The following SLC25A24 variants were observed in gnomAD, a reference collection of about 807,000 sequenced individuals.
SLC25A24 encodes the protein mitochondrial adenyl nucleotide antiporter SLC25A24.
A neutral mutation model predicts 60.7 loss-of-function variants in SLC25A24; 49 were observed. The ratio of observed to expected loss-of-function variants is 0.81; its 90% confidence interval spans 0.64 to 1.02. The LOEUF (loss-of-function observed/expected upper bound fraction) is 1.02. SLC25A24 is among the 50% of genes least tolerant of loss of function. The probability of loss-of-function intolerance (pLI) is 0.00; values close to 1 mark genes in which losing one functional copy is unlikely to be tolerated. For synonymous variants in SLC25A24, 202 were observed against 200.6 expected, an observed-to-expected ratio of 1.01 and a Z score of -0.06; for missense variants, 564 against 586.3, an observed-to-expected ratio of 0.96 and a Z score of 0.39.
chr1:108,169,880 C>G, intron 3 of SLC25A24, among the ~76,000 whole-genome samples: 1 of 152,092 alleles, frequency 6.6e-6, no homozygotes, highest in East Asian at 1.9e-4. Context: ...TTTTAAAAGT[C>G]CTTATGTGCC....
rs576554337 is a variant in SLC25A24 at position 108,167,403 on chromosome 1, T to C, written c.399-6110A>G. ...CCCTCCCCCAGCCTCGCTGCCGCCT[T>C]GCAGTTTGATCTCAGACTGCTGTGC... On this transcript the variant is annotated intron_variant, in intron 3 of 9. Coordinates refer to ENST00000565488, the MANE Select transcript of SLC25A24 (RefSeq NM_013386.5). Among the ~76,000 whole-genome samples, 95 of 152,258 alleles carry C rather than the reference T, an allele frequency of 6.2e-4. No homozygotes were observed. The Middle Eastern group carries it at 0.01, about 16-fold the overall frequency.
intron 3 of SLC25A24, among the ~76,000 whole-genome samples, chr1:108,162,325 G>A (rs1239945182): frequency 6.8e-6 from 1 of 147,704 alleles, no homozygotes; most frequent in Non-Finnish European, 1.5e-5. Flanking sequence ...GGGATGGCTG[G>A]GTCAAATGAT....
At chr1:108,138,848 T>C (rs1679362312) in intron 9 of SLC25A24, among the ~76,000 whole-genome samples, 1 of 152,212 alleles carries the variant, frequency 6.6e-6, no homozygotes, top group Admixed American at 6.5e-5. Flanking sequence ...ACAGTACATA[T>C]GCAATGCTTC....
chr1:108,180,658 C>CTCTG lies in SLC25A24; in HGVS notation c.398+1282_398+1283insCAGA, dbSNP rs1558024001. On this transcript the variant is annotated intron_variant, in intron 3 of 9. Coordinates refer to ENST00000565488, the MANE Select transcript of SLC25A24 (RefSeq NM_013386.5). ...TCTCTCTCTCTCTCTCTCTCTCTCT[C>CTCTG]TCTCTCTCTGCCATATGACAATACA... Among the ~76,000 whole-genome samples, 344 of 105,026 alleles carry CTCTG rather than the reference C, an allele frequency of 3.3e-3. 2 individuals carry two copies. The highest frequency in any genetic ancestry group is 0.011 in the African/African-American group (324 of 28,736). The allele number at this position is 105,026 out of a possible 152,430, so 68.9% of individuals were successfully genotyped here. A position where few individuals can be genotyped will look rare whatever the true frequency, so the allele number is the denominator to read the frequency against.
chr1:108,154,201 T>C (rs774605004), intron 6 of SLC25A24, among the ~76,000 whole-genome samples: 8 of 140,744 alleles, frequency 5.7e-5, no homozygotes, highest in African/African-American at 8.3e-5. Context: ...AAAATCTACA[T>C]GGAATAATAC....
At chr1:108,166,827 C>T (rs1680268792) in intron 3 of SLC25A24, among the ~76,000 whole-genome samples, 1 of 152,216 alleles carries the variant, frequency 6.6e-6, no homozygotes. Flanking sequence ...TGTTCCGTTG[C>T]TGGTGAGGAA....
In SLC25A24 at chr1:108,185,149, C is replaced by T. The variant is rs1049357820; in HGVS notation, c.310+679G>A. Among the ~76,000 whole-genome samples the T allele has an allele frequency of 6.6e-5, 10 of 152,108 alleles. 1 individual carries two copies. Among genetic ancestry groups the T allele is most frequent in the African/African-American group, 1.7e-4 (7 of 41,402 alleles). On this transcript the variant is annotated intron_variant, in intron 2 of 9. Transcript: ENST00000565488. ...CATAGTAAGAGGCCCTCACCAGATT[C>T]GGCTCAACTTTGAACTTCCCAGCCT...
chr1:108,155,088 T>C lies in SLC25A24; in HGVS notation c.717A>G (p.Arg239=), dbSNP rs1457926889. The change falls in exon 6 of 10, where the codon CGA becomes CGG. Residue 239 remains arginine, a synonymous_variant. Coordinates refer to ENST00000565488, the MANE Select transcript of SLC25A24 (RefSeq NM_013386.5). The part of the protein sequence containing the change: ...SDKMNIFGGF[R]QMVKEGGIRS... ...GGATACCTCCTTCTTTTACCATCTG[T>C]CGAAAGCCACCAAATATGTTCATTT... 3 of 1,612,614 alleles carry C rather than the reference T, an allele frequency of 1.9e-6. No homozygotes were observed. The highest frequency in any genetic ancestry group is 2.5e-6 in the Non-Finnish European group (3 of 1,179,346).
In SLC25A24 at chr1:108,148,300, C is replaced by A; in HGVS notation, c.909G>T (p.Gln303His). Residue 303 changes from glutamine (Q) to histidine (H), a missense_variant, in exon 7 of 10, where the codon CAG becomes CAT. Transcript: ENST00000565488. ...TCACCTCCATTGGATATATAAAAGTCTGTGCAGTTGCTCCAGCCATGGAAC... is the reference window on the plus strand; with the variant it reads ...TCACCTCCATTGGATATATAAAAGTATGTGCAGTTGCTCCAGCCATGGAAC... The part of the protein sequence containing the change: ...ISGSMAGATA[Q>H]TFIYPMEVMK... 6.2e-7 allele frequency: 1 copy of A among 1,609,418 alleles called. No individual in the cohort carries two copies. The highest frequency in any genetic ancestry group is 1.1e-5 in the South Asian group (1 of 91,008).
rs778125454 is a variant in SLC25A24 at position 108,136,833 on chromosome 1, C to A, written c.1254G>T (p.Met418Ile). 1.9e-6 allele frequency: 3 copies of A among 1,612,190 alleles called. No homozygotes were observed. In the East Asian group the frequency reaches 6.7e-5, roughly 36 times the overall value. ...LVRTRMQAQA[M>I]LEGSPQLNMV... ...TATTCAGCTGTGGGGAACCTTCTAA[C>A]ATGGCTAAAAAATAAAAAAAGAGGG... is the stretch of plus-strand genomic sequence containing the variant. Residue 418 changes from methionine to isoleucine, a missense_variant, in exon 10 of 10, where the codon ATG becomes ATT. Transcript: ENST00000565488.
In SLC25A24 at chr1:108,181,816, C is replaced by G. The variant is rs1029679317; in HGVS notation, c.398+125G>C. ...ACAAAATGAATGGGAGGAAAAAAGA[C>G]AAAAAGATCTTGGATATACATAATG... On this transcript the variant is annotated intron_variant, in intron 3 of 9. Coordinates refer to ENST00000565488, the MANE Select transcript of SLC25A24 (RefSeq NM_013386.5). 7 of 703,366 alleles carry G rather than the reference C, an allele frequency of 1.0e-5. No homozygotes were observed. The South Asian group carries it at 1.2e-4, about 12-fold the overall frequency. 43.6% of individuals were successfully genotyped at this position (703,366 alleles called of 1,614,324 possible). A position where few individuals can be genotyped will look rare whatever the true frequency, so the allele number is the denominator to read the frequency against.
chr1:108,165,289 TC>T (rs1312810774), intron 3 of SLC25A24, among the ~76,000 whole-genome samples: 7 of 152,202 alleles, frequency 4.6e-5, no homozygotes, highest in African/African-American at 1.7e-4. Context: ...GGTGCAGAGT[TC>T]TGTAGATGTG....
chr1:108,139,286 C>A, intron 8 of SLC25A24, 78 bp from the exon 9 acceptor site: 2 of 1,392,196 alleles, frequency 1.4e-6, no homozygotes, highest in South Asian at 1.5e-5. Context: ...TATTCTCAAC[C>A]TCATGAGAAG....
At chr1:108,141,844 C>T (rs1045192394) in intron 8 of SLC25A24, among the ~76,000 whole-genome samples, 2 of 152,090 alleles carry the variant, frequency 1.3e-5, no homozygotes, top group Admixed American at 1.3e-4. Flanking sequence ...GGTTACACAG[C>T]GCTGGGGTGA....
chr1:108,172,468 C>T (rs1647496848), intron 3 of SLC25A24, among the ~76,000 whole-genome samples: 1 of 152,108 alleles, frequency 6.6e-6, no homozygotes, highest in Admixed American at 6.6e-5. Context: ...TTACTCATGG[C>T]TGAAGAAAAA....
At position 108,194,646 on chromosome 1, in the gene SLC25A24, A is replaced by G. The variant is rs768124887; in HGVS notation, c.183+5310T>C. On this transcript the variant is annotated intron_variant, in intron 1 of 9. Transcript: ENST00000565488. ...AAATTACCCTGTTCATTATTTGCTT[A>G]TTATTTTTTATTCCCCATGCACCTA... 2.0e-5 allele frequency among the ~76,000 whole-genome samples: 3 copies of G among 152,068 alleles called. 1 individual carries two copies. The highest frequency in any genetic ancestry group is 4.4e-5 in the Non-Finnish European group (3 of 68,008).
At chr1:108,183,885 C>T (rs1486061781) in intron 2 of SLC25A24, among the ~76,000 whole-genome samples, 2 of 152,160 alleles carry the variant, frequency 1.3e-5, no homozygotes, top group Non-Finnish European at 2.9e-5. Context: ...TTTTTCACTG[C>T]TCTGTGCATG....
At chr1:108,165,870 T>C (rs1558017768) in intron 3 of SLC25A24, among the ~76,000 whole-genome samples, 2 of 152,238 alleles carry the variant, frequency 1.3e-5, no homozygotes, top group Non-Finnish European at 2.9e-5. Flanking sequence ...CGTTTGTTAA[T>C]GCAGTTTCTT....
At position 108,161,080 on chromosome 1, in the gene SLC25A24, C is replaced by A. The variant is rs557677059; in HGVS notation, c.510+102G>T. 8.2e-5 allele frequency: 52 copies of A among 631,438 alleles called. No homozygotes were observed. The African/African-American group carries it at 8.5e-4, about 10-fold the overall frequency. The allele number at this position is 631,438 out of a possible 1,614,324, so 39.1% of individuals were successfully genotyped here. On this transcript the variant is annotated intron_variant, in intron 4 of 9. Transcript: ENST00000565488. ...TCTACAGGTTAAGGAGCTACTGGGACTCAGGTATCCTGGCCCATAAGTGTT... is the reference window on the plus strand; with the variant it reads ...TCTACAGGTTAAGGAGCTACTGGGAATCAGGTATCCTGGCCCATAAGTGTT...
Sources: allele counts gnomAD v4.1 joint callset (sites outside exome capture counted in the v4.1 genomes callset), GRCh38; gene constraint gnomAD v4.1.1; transcripts MANE v1.5; gene names NCBI Gene and HGNC (gene_info 2026-07-23, HGNC 2026-07-21).